LRATD2: variants seen among roughly 807,000 people sequenced by gnomAD.
The protein encoded by LRATD2 is protein LRATD2.
In LRATD2, 10 loss-of-function variants were observed where a neutral mutation model predicts 12.0. The observed-to-expected ratio is 0.83, with a 90% CI of 0.51 to 1.41. The LOEUF is 1.41. Among genes scored for constraint, LRATD2 ranks in the 40% most tolerant of loss-of-function variants. The pLI, the probability that LRATD2 is intolerant of heterozygous loss-of-function variation, is 0.00. For synonymous variants in LRATD2, 220 were observed against 205.8 expected (o/e 1.07, Z -0.59); for missense variants, 455 against 446.1 (o/e 1.02, Z -0.18).
Position 126,556,901 on chromosome 8 carries a change from G to A in LRATD2, c.489C>T (p.Arg163=). The change falls in exon 2 of 2, where the codon CGC becomes CGT. Residue 163 remains arginine, a synonymous_variant. Transcript: ENST00000304916. The surrounding 1 kb of genome is among the most constrained non-coding windows in gnomAD (Gnocchi z 5.6). Reference sequence around the variant, plus strand: ...GGTACAGATCGTTGACCACGCGGCCGCGACGGCCCTGGCTGGCGTCAGTCA... The same window carrying A: ...GGTACAGATCGTTGACCACGCGGCCACGACGGCCCTGGCTGGCGTCAGTCA... The part of the protein sequence containing the change: ...SFLTDASQGR[R]GRVVNDLYRY... The A allele has an allele frequency of 1.2e-6, 2 of 1,608,808 alleles. No homozygotes were observed. The highest frequency in any genetic ancestry group is 1.7e-6 in the Non-Finnish European group (2 of 1,179,816).
chr8:126,556,778 G>A lies in LRATD2; in HGVS notation c.612C>T (p.Phe204=), dbSNP rs1347933317. The part of the protein sequence containing the change: ...RELSWRNSES[F]AAWCRYGKRE... ...GCTTGCCGTAGCGGCACCAGGCGGC[G>A]AAACTCTCCGAGTTGCGCCAGCTCA... Residue 204 remains phenylalanine (F), a synonymous_variant, in exon 2 of 2, where the codon TTC becomes TTT. Transcript: ENST00000304916. The surrounding 1 kb of genome is among the most constrained non-coding windows in gnomAD (Gnocchi z 5.6). The A allele has an allele frequency of 2.5e-6, 4 of 1,596,574 alleles. No individual in the cohort carries two copies. The African/African-American group carries it at 4.0e-5, about 16-fold the overall frequency.
At position 126,552,683 on chromosome 8, in the gene LRATD2, TAA is replaced by T. The variant is rs1287943313; in HGVS notation, c.*3772_*3773del. 1 of 152,516 alleles carries T rather than the reference TAA, an allele frequency of 6.6e-6. No homozygotes were observed. Among genetic ancestry groups the T allele is most frequent in the Non-Finnish European group, 1.5e-5 (1 of 68,024 alleles). The allele number at this position is 152,516 out of a possible 1,614,324, so 9.4% of individuals were successfully genotyped here. ...TTTAACATACAACCTTCAACAAAAA[TAA>T]AGTTTATACAACTCACTGGGAAATA... On this transcript the variant is annotated 3_prime_UTR_variant, in exon 2 of 2. Coordinates refer to ENST00000304916, the MANE Select transcript of LRATD2 (RefSeq NM_174911.5).
chr8:126,556,527 G>A lies in LRATD2; in HGVS notation c.863C>T (p.Thr288Ile). 1 of 1,600,082 alleles carries A rather than the reference G, an allele frequency of 6.2e-7. No individual in the cohort carries two copies. The highest frequency in any genetic ancestry group is 8.5e-7 in the Non-Finnish European group (1 of 1,174,498). Residue 288 changes from threonine to isoleucine, a missense_variant, in exon 2 of 2, where the codon ACT (threonine) becomes ATT (isoleucine). Transcript: ENST00000304916. The surrounding 1 kb of genome is among the most constrained non-coding windows in gnomAD (Gnocchi z 5.6). ...PEEGDSNVAR[T>I]TPPPGRPPAP... ...AGGGGGGCGCCCGGGAGGCGGCGTAGTCCGCGCCACGTTGCTGTCGCCCTC... is the reference window on the plus strand; with the variant it reads ...AGGGGGGCGCCCGGGAGGCGGCGTAATCCGCGCCACGTTGCTGTCGCCCTC...
rs1817348575 is a variant in LRATD2 at position 126,554,684 on chromosome 8, A to G, written c.*1773T>C. 1 of 152,206 alleles carries G rather than the reference A, an allele frequency of 6.6e-6. No homozygotes were observed. The highest frequency in any genetic ancestry group is 2.4e-5 in the African/African-American group (1 of 41,468). 9.4% of individuals were successfully genotyped at this position (152,206 alleles called of 1,614,324 possible). A position where few individuals can be genotyped will look rare whatever the true frequency, so the allele number is the denominator to read the frequency against. ...CCATGTGTGAAACAAGTGTATTAGA[A>G]AATTCTTTAAGTCTTGTTGCCTTAA... On this transcript the variant is annotated 3_prime_UTR_variant, in exon 2 of 2. Coordinates refer to ENST00000304916, the MANE Select transcript of LRATD2 (RefSeq NM_174911.5).
rs1033133627 is a variant in LRATD2, at chr8:126,556,724, G to A, written c.666C>T (p.Arg222=). The stretch of plus-strand genomic sequence containing the variant: ...GCAGCCGGTAGGGCTGCTTGCCGAT[G>A]CGCAGCTCGCCGCCGATCTTGAACT... ...KREFKIGGEL[R]IGKQPYRLQI... is the part of the protein sequence containing the mutation. The change falls in exon 2 of 2, where the codon CGC becomes CGT. Residue 222 remains arginine, a synonymous_variant. Transcript: ENST00000304916. The surrounding 1 kb of genome is among the most constrained non-coding windows in gnomAD (Gnocchi z 5.6). The A allele has an allele frequency of 5.0e-6, 8 of 1,605,354 alleles. No homozygotes were observed. Among genetic ancestry groups the A allele is most frequent in the Non-Finnish European group, 6.8e-6 (8 of 1,176,542 alleles).
chr8:126,556,455 C>T lies in LRATD2; in HGVS notation c.*2G>A, dbSNP rs1375931755. ...TTCGCAGCTCTGCGCTCAGCTCGCC[C>T]ATCAGTGTGCCACTGCCTCTCCGTC... On this transcript the variant is annotated 3_prime_UTR_variant, in exon 2 of 2. Transcript: ENST00000304916. The surrounding 1 kb of genome is among the most constrained non-coding windows in gnomAD (Gnocchi z 5.6). 6.4e-7 allele frequency: 1 copy of T among 1,563,258 alleles called. No homozygotes were observed. The highest frequency in any genetic ancestry group is 2.1e-5 in the Admixed American group (1 of 48,162).
In LRATD2 at chr8:126,556,855, T is replaced by C; in HGVS notation, c.535A>G (p.Ser179Gly). The C allele has an allele frequency of 6.2e-7, 1 of 1,607,080 alleles. No individual in the cohort carries two copies. The highest frequency in any genetic ancestry group is 8.5e-7 in the Non-Finnish European group (1 of 1,179,568). The change falls in exon 2 of 2, where the codon AGC becomes GGC. Residue 179 changes from serine (S) to glycine (G), a missense_variant. Transcript: ENST00000304916. The surrounding 1 kb of genome is among the most constrained non-coding windows in gnomAD (Gnocchi z 5.6). Reference sequence around the variant, plus strand: ...GCCAGCGCGTTGCGCACCACGGCGCTGGAGCTTAGCGGCTTGTAGCGGTAC... The same window carrying C: ...GCCAGCGCGTTGCGCACCACGGCGCCGGAGCTTAGCGGCTTGTAGCGGTAC... ...DLYRYKPLSS[S>G]AVVRNALAHV...
Position 126,557,231 on chromosome 8 carries a change from C to A in LRATD2, c.159G>T (p.Gly53=). Residue 53 remains glycine, a synonymous_variant, in exon 2 of 2, where the codon GGG becomes GGT. Transcript: ENST00000304916. This position sits in a 1 kb window ranked among gnomAD's most constrained non-coding sequence, Gnocchi z 5.3. ...CGTCGGGCAAGCCGCCGCCATCTGG[C>A]CCCTGAGGCGGCGGCTGCGGCTCCA... is the stretch of plus-strand genomic sequence containing the variant. ...EDVEPQPPPQ[G]PDGGGLPDGG... is the part of the protein sequence containing the mutation. 6.2e-7 allele frequency: 1 copy of A among 1,603,206 alleles called. No homozygotes were observed. The highest frequency in any genetic ancestry group is 1.1e-5 in the South Asian group (1 of 90,218).
chr8:126,558,440 C>G lies in LRATD2; in HGVS notation c.-503G>C, dbSNP rs972735884. The G allele has an allele frequency of 1.3e-5, 2 of 152,134 alleles. No individual in the cohort carries two copies. The highest frequency in any genetic ancestry group is 3.2e-3 in the Middle Eastern group (1 of 316). The allele number at this position is 152,134 out of a possible 1,614,324, so 9.4% of individuals were successfully genotyped here. A position where few individuals can be genotyped will look rare whatever the true frequency, so the allele number is the denominator to read the frequency against. On this transcript the variant is annotated 5_prime_UTR_variant, in exon 1 of 2. Transcript: ENST00000304916. ...GATTGTAGATCCGGCTCCGGGCTCC[C>G]GGGCGGGAGCGCAGCCCGTGGCATT...
At position 126,556,772 on chromosome 8, in the gene LRATD2, G is replaced by T. The variant is rs1175015471; in HGVS notation, c.618C>A (p.Ala206=). 5 of 1,597,574 alleles carry T rather than the reference G, an allele frequency of 3.1e-6. No homozygotes were observed. In the African/African-American group the frequency reaches 6.7e-5, roughly 21 times the overall value. The change falls in exon 2 of 2, where the codon GCC becomes GCA. Residue 206 remains alanine, a synonymous_variant. Transcript: ENST00000304916. This position sits in a 1 kb window ranked among gnomAD's most constrained non-coding sequence, Gnocchi z 5.6. The part of the protein sequence containing the change: ...LSWRNSESFA[A]WCRYGKREFK... ...ACTCGCGCTTGCCGTAGCGGCACCA[G>T]GCGGCGAAACTCTCCGAGTTGCGCC...
At position 126,552,933 on chromosome 8, in the gene LRATD2, CATG is replaced by C. The variant is rs1817309403; in HGVS notation, c.*3521_*3523del. ...AAAACAAAAAATGGTTAGACAAGCACATGATATCAAGAGTCTTCAACACAGTGG... is the reference window on the plus strand; with the variant it reads ...AAAACAAAAAATGGTTAGACAAGCACATATCAAGAGTCTTCAACACAGTGG... On this transcript the variant is annotated 3_prime_UTR_variant, in exon 2 of 2. Coordinates refer to ENST00000304916, the MANE Select transcript of LRATD2 (RefSeq NM_174911.5). 6.6e-6 allele frequency: 1 copy of C among 152,516 alleles called. No individual in the cohort carries two copies. The highest frequency in any genetic ancestry group is 1.5e-5 in the Non-Finnish European group (1 of 68,006). 9.4% of individuals were successfully genotyped at this position (152,516 alleles called of 1,614,324 possible).
chr8:126,557,373 T>G lies in LRATD2; in HGVS notation c.17A>C (p.Glu6Ala). The G allele has an allele frequency of 6.2e-7, 1 of 1,613,270 alleles. No homozygotes were observed. Among genetic ancestry groups the G allele is most frequent in the Non-Finnish European group, 8.5e-7 (1 of 1,179,858 alleles). Reference protein sequence around the residue: MGNQVEKLTHLSYKEV... With the variant: MGNQVAKLTHLSYKEV... ...CTTGTAACTTAGGTGGGTCAATTTCTCCACCTGGTTGCCCATCACGCTGCG... is the reference window on the plus strand; with the variant it reads ...CTTGTAACTTAGGTGGGTCAATTTCGCCACCTGGTTGCCCATCACGCTGCG... Residue 6 changes from glutamate to alanine, a missense_variant, in exon 2 of 2, where the codon GAG becomes GCG. By Grantham distance (107) the Glu-to-Ala change is moderately radical. Coordinates refer to ENST00000304916, the MANE Select transcript of LRATD2 (RefSeq NM_174911.5). The surrounding 1 kb of genome is among the most constrained non-coding windows in gnomAD (Gnocchi z 5.3).
At position 126,557,355 on chromosome 8, in the gene LRATD2, C is replaced by T. The variant is rs763691132; in HGVS notation, c.35G>A (p.Ser12Asn). ...GTCGGCCGTGGGAACTTCCTTGTAA[C>T]TTAGGTGGGTCAATTTCTCCACCTG... ...GNQVEKLTHL[S>N]YKEVPTADPT... Residue 12 changes from serine (S) to asparagine (N), a missense_variant, in exon 2 of 2, where the codon AGT becomes AAT. Coordinates refer to ENST00000304916, the MANE Select transcript of LRATD2 (RefSeq NM_174911.5). The surrounding 1 kb of genome is among the most constrained non-coding windows in gnomAD (Gnocchi z 5.3). 1.2e-5 allele frequency: 20 copies of T among 1,613,634 alleles called. No individual in the cohort carries two copies. Among genetic ancestry groups the T allele is most frequent in the East Asian group, 2.2e-5 (1 of 44,858 alleles).
Position 126,556,586 on chromosome 8 carries a change from C to G in LRATD2, c.804G>C (p.Glu268Asp), listed in dbSNP as rs1817401794. Residue 268 changes from glutamate to aspartate, a missense_variant, in exon 2 of 2, where the codon GAG becomes GAC. Transcript: ENST00000304916. The surrounding 1 kb of genome is among the most constrained non-coding windows in gnomAD (Gnocchi z 5.6). Reference sequence around the variant, plus strand: ...CCGCCGGGTGCAGGTGCGTGGCGAGCTCCTGCAGCACGGCCGCGCGCCCGA... The same window carrying G: ...CCGCCGGGTGCAGGTGCGTGGCGAGGTCCTGCAGCACGGCCGCGCGCCCGA... ...DQIGRAAVLQ[E>D]LATHLHPAEP... The G allele has an allele frequency of 6.2e-7, 1 of 1,609,746 alleles. No individual in the cohort carries two copies. The highest frequency in any genetic ancestry group is 1.1e-5 in the South Asian group (1 of 90,778).
In LRATD2 at chr8:126,553,265, C is replaced by A. The variant is rs1817316657; in HGVS notation, c.*3192G>T. 6.6e-6 allele frequency: 1 copy of A among 152,602 alleles called. No individual in the cohort carries two copies. The highest frequency in any genetic ancestry group is 6.5e-5 in the Admixed American group (1 of 15,282). 9.5% of individuals were successfully genotyped at this position (152,602 alleles called of 1,614,324 possible). ...ATAAAAGCTACAAAAAGTATGAGTT[C>A]TTTCAATACAAAAAGTTGTGTAGCT... is the stretch of plus-strand genomic sequence containing the variant. On this transcript the variant is annotated 3_prime_UTR_variant, in exon 2 of 2. Coordinates refer to ENST00000304916, the MANE Select transcript of LRATD2 (RefSeq NM_174911.5).
Position 126,554,609 on chromosome 8 carries a change from T to C in LRATD2, c.*1848A>G, listed in dbSNP as rs1345254232. ...AGGAAACATAGCTAATGCCCTTTCATGTTGAGGTGCTACAAAGGTCCAAGC... is the reference window on the plus strand; with the variant it reads ...AGGAAACATAGCTAATGCCCTTTCACGTTGAGGTGCTACAAAGGTCCAAGC... On this transcript the variant is annotated 3_prime_UTR_variant, in exon 2 of 2. Transcript: ENST00000304916. 1.3e-5 allele frequency: 2 copies of C among 152,242 alleles called. No individual in the cohort carries two copies. The highest frequency in any genetic ancestry group is 1.5e-5 in the Non-Finnish European group (1 of 68,038). 9.4% of individuals were successfully genotyped at this position (152,242 alleles called of 1,614,324 possible). A position where few individuals can be genotyped will look rare whatever the true frequency, so the allele number is the denominator to read the frequency against.
In LRATD2 at chr8:126,557,223, C is replaced by A; in HGVS notation, c.167G>T (p.Gly56Val). ...GTCCCCACCGTCGGGCAAGCCGCCG[C>A]CATCTGGCCCCTGAGGCGGCGGCTG... The part of the protein sequence containing the change: ...EPQPPPQGPD[G>V]GGLPDGGDGP... The change falls in exon 2 of 2, where the codon GGC (glycine) becomes GTC (valine). Residue 56 changes from glycine (G) to valine (V), a missense_variant. Gly to Val is a moderately radical substitution (Grantham distance 109). Transcript: ENST00000304916. This position sits in a 1 kb window ranked among gnomAD's most constrained non-coding sequence, Gnocchi z 5.3. 1 of 1,601,014 alleles carries A rather than the reference C, an allele frequency of 6.2e-7. No individual in the cohort carries two copies. The highest frequency in any genetic ancestry group is 1.3e-5 in the African/African-American group (1 of 74,650).
At position 126,556,639 on chromosome 8, in the gene LRATD2, T is replaced by C; in HGVS notation, c.751A>G (p.Ile251Val). 1.2e-6 allele frequency: 2 copies of C among 1,611,896 alleles called. No homozygotes were observed. Among genetic ancestry groups the C allele is most frequent in the Non-Finnish European group, 1.7e-6 (2 of 1,179,350 alleles). ...TGGTCGTTGCGTCGCTTCTCCATGA[T>C]CAGGTCCTCTAGACTCTGGAACTCG... ...TLEFQSLEDL[I>V]MEKRRNDQIG... Residue 251 changes from isoleucine (I) to valine (V), a missense_variant, in exon 2 of 2, where the codon ATC becomes GTC. By Grantham distance (29) the Ile-to-Val change is conservative. Transcript: ENST00000304916. This position sits in a 1 kb window ranked among gnomAD's most constrained non-coding sequence, Gnocchi z 5.6.
chr8:126,556,655 C>T lies in LRATD2; in HGVS notation c.735G>A (p.Gln245=), dbSNP rs775070805. 2 of 1,612,138 alleles carry T rather than the reference C, an allele frequency of 1.2e-6. No individual in the cohort carries two copies. Among genetic ancestry groups the T allele is most frequent in the Admixed American group, 1.7e-5 (1 of 59,918 alleles). ...SAQRSHTLEF[Q]SLEDLIMEKR... The stretch of plus-strand genomic sequence containing the variant: ...TCTCCATGATCAGGTCCTCTAGACT[C>T]TGGAACTCGAGCGTGTGGCTGCGCT... Residue 245 remains glutamine, a synonymous_variant, in exon 2 of 2, where the codon CAG becomes CAA. Coordinates refer to ENST00000304916, the MANE Select transcript of LRATD2 (RefSeq NM_174911.5). This position sits in a 1 kb window ranked among gnomAD's most constrained non-coding sequence, Gnocchi z 5.6.
Sources: gnomAD v4.1 joint callset for allele counts on GRCh38, gnomAD v4.1.1 for gene constraint, Gnocchi (gnomAD v3.1) non-coding constraint, MANE v1.5 for transcripts, NCBI Gene and HGNC (gene_info 2026-07-23, HGNC 2026-07-21) for gene names.